The following SEPTIN8 variants were observed in gnomAD, a reference collection of about 807,000 sequenced individuals.
SEPTIN8 encodes the protein septin-8.
In SEPTIN8, 22 loss-of-function variants were observed where a neutral mutation model predicts 53.1. The observed-to-expected ratio is 0.41, with a 90% CI of 0.30 to 0.59. SEPTIN8 has a LOEUF of 0.59. Ranked by LOEUF, SEPTIN8 falls within the 20% of genes least tolerant of loss-of-function variation. The pLI is 0.24. For synonymous variants in SEPTIN8, 228 were observed against 248.4 expected (o/e 0.92, Z 0.77); for missense variants, 536 against 638.7 (o/e 0.84, Z 1.73).
upstream of SEPTIN8, chr5:132,777,914 C>G: frequency 7.1e-6 from 7 of 985,514 alleles, no homozygotes; most frequent in Non-Finnish European, 8.4e-6. The surrounding 1 kb of genome is among the most constrained non-coding windows in gnomAD (Gnocchi z 4.1). Flanking sequence ...AAAAGCGGAG[C>G]TCGACGGTCA....
rs1204279432 is a variant in SEPTIN8 at position 132,754,260 on chromosome 5, T to C, written c.1287-2079A>G. The C allele has an allele frequency of 1.6e-5, 10 of 618,678 alleles. No homozygotes were observed. The South Asian group carries it at 1.8e-4, about 11-fold the overall frequency. 38.3% of individuals were successfully genotyped at this position (618,678 alleles called of 1,614,324 possible). On this transcript the variant is annotated intron_variant, in intron 9 of 9. Coordinates refer to ENST00000378719, the MANE Select transcript of SEPTIN8 (RefSeq NM_001098811.2). ...ATCTCCTAGGTCATATCAAGAACTCTCCTCTAGTCCAGAACCCATTTTACA... is the reference window on the plus strand; with the variant it reads ...ATCTCCTAGGTCATATCAAGAACTCCCCTCTAGTCCAGAACCCATTTTACA...
At chr5:132,777,351 A>G (rs1027563938), upstream of SEPTIN8, 2 of 1,047,262 alleles carry the variant, frequency 1.9e-6, no homozygotes, top group Non-Finnish European at 1.1e-6. The surrounding 1 kb of genome is among the most constrained non-coding windows in gnomAD (Gnocchi z 4.1). Flanking sequence ...CGGCCCGGCC[A>G]CGAGCGCAGC....
chr5:132,764,813 A>G (rs974814604), intron 2 of SEPTIN8, among the ~76,000 whole-genome samples: 4 of 152,158 alleles, frequency 2.6e-5, no homozygotes, highest in Non-Finnish European at 4.4e-5. Flanking sequence ...CAAGAGGGCC[A>G]GGGTCTAAAG....
In SEPTIN8 at chr5:132,751,721, TC is replaced by T. The variant is rs1754856492; in HGVS notation, c.*294del. 1.0e-5 allele frequency: 6 copies of T among 579,058 alleles called. No homozygotes were observed. Among genetic ancestry groups the T allele is most frequent in the Non-Finnish European group, 1.8e-5 (6 of 329,144 alleles). The allele number at this position is 579,058 out of a possible 1,614,324, so 35.9% of individuals were successfully genotyped here. A position where few individuals can be genotyped will look rare whatever the true frequency, so the allele number is the denominator to read the frequency against. On this transcript the variant is annotated 3_prime_UTR_variant, in exon 10 of 10. Coordinates refer to ENST00000378719, the MANE Select transcript of SEPTIN8 (RefSeq NM_001098811.2). ...TGGAAACATTGTCATCTAGGTACTT[TC>T]CGCTCATAACGATGATGTCACAAAG...
At position 132,763,798 on chromosome 5, in the gene SEPTIN8, T is replaced by A. The variant is rs1362149139; in HGVS notation, c.442A>T (p.Thr148Ser). 1.2e-6 allele frequency: 2 copies of A among 1,613,438 alleles called. No individual in the cohort carries two copies. Among genetic ancestry groups the A allele is most frequent in the Non-Finnish European group, 1.7e-6 (2 of 1,179,718 alleles). Residue 148 changes from threonine to serine, a missense_variant, in exon 4 of 10, where the codon ACA (threonine) becomes TCA (serine). Physicochemically the swap from Thr to Ser is moderately conservative, Grantham distance 58. This residue lies in a region of SEPTIN8 where 395 missense variants were observed against 451.8 expected (regional missense o/e 0.87). Transcript: ENST00000378719. ...AAGTAGAGGCAAACGTGGATCCTTG[T>A]GTCATGGTAGTCGAAGAGCGAGCGG... The part of the protein sequence containing the change: ...IRRSLFDYHD[T>S]RIHVCLYFIT...
chr5:132,765,956 C>T (rs1756545984), intron 1 of SEPTIN8, among the ~76,000 whole-genome samples: 1 of 152,194 alleles, frequency 6.6e-6, no homozygotes, highest in Admixed American at 6.5e-5. Flanking sequence ...GGGGATGCTG[C>T]CCCTGCCTAG....
chr5:132,769,992 T>C (rs1405264446), intron 1 of SEPTIN8, among the ~76,000 whole-genome samples: 3 of 38,828 alleles, frequency 7.7e-5, no homozygotes, highest in African/African-American at 2.4e-4. Context: ...CATATATATA[T>C]ATATATATAT....
chr5:132,771,222 C>T (rs1176638370), intron 1 of SEPTIN8, among the ~76,000 whole-genome samples: 1 of 152,094 alleles, frequency 6.6e-6, no homozygotes, highest in Non-Finnish European at 1.5e-5. Context: ...TCATGGTTGC[C>T]AACACACAAA....
At chr5:132,775,150 C>T (rs192361668) in intron 1 of SEPTIN8, among the ~76,000 whole-genome samples, 18 of 152,268 alleles carry the variant, frequency 1.2e-4, no homozygotes, top group African/African-American at 4.1e-4. Context: ...TGTGCCCTGG[C>T]CACCCCGCAG....
At chr5:132,766,429 C>G (rs1030147255) in intron 1 of SEPTIN8, among the ~76,000 whole-genome samples, 6 of 152,216 alleles carry the variant, frequency 3.9e-5, no homozygotes, top group African/African-American at 1.4e-4. Context: ...AAAGAAACCA[C>G]GAGGACCCAA....
At position 132,763,666 on chromosome 5, in the gene SEPTIN8, A is replaced by G. The variant is rs1161155138; in HGVS notation, c.534+40T>C. 3.8e-6 allele frequency: 6 copies of G among 1,582,604 alleles called. No homozygotes were observed. In the Admixed American group the frequency reaches 8.4e-5, roughly 22 times the overall value. On this transcript the variant is annotated intron_variant, in intron 4 of 9. Transcript: ENST00000378719. ...AGCCACCACATCGCATCGCAGCAGA[A>G]GACTATGGAGCCTGTGACAGCAGGT...
intron 1 of SEPTIN8, among the ~76,000 whole-genome samples, chr5:132,768,103 C>A (rs1179373683): frequency 6.6e-6 from 1 of 151,958 alleles, no homozygotes; most frequent in Non-Finnish European, 1.5e-5. Context: ...TGGGGTGGGT[C>A]TCACATAAAC....
chr5:132,778,130 A>G (rs1757946178), upstream of SEPTIN8: 2 of 958,176 alleles, frequency 2.1e-6, no homozygotes, highest in Non-Finnish European at 2.5e-6. Flanking sequence ...TCTCACTGAC[A>G]ATCTATACAA....
chr5:132,756,563 G>A, intron 9 of SEPTIN8: 1 of 985,396 alleles, frequency 1.0e-6, no homozygotes, highest in South Asian at 4.7e-5. Flanking sequence ...CTAAACAGTG[G>A]CAAGTTTTAA....
rs1348851902 is a variant in SEPTIN8 at position 132,757,732 on chromosome 5, CAGG to C, written c.1286+3067_1286+3069del. 3 of 985,326 alleles carry C rather than the reference CAGG, an allele frequency of 3.0e-6. No homozygotes were observed. The African/African-American group carries it at 5.2e-5, about 17-fold the overall frequency. The allele number at this position is 985,326 out of a possible 1,614,324, so 61.0% of individuals were successfully genotyped here. A position where few individuals can be genotyped will look rare whatever the true frequency, so the allele number is the denominator to read the frequency against. The stretch of plus-strand genomic sequence containing the variant: ...ACATTCTTGGTGGCTTGTAAACCAA[CAGG>C]AGCATAGAAGAGTCAAAGCTGCTAG... On this transcript the variant is annotated intron_variant, in intron 9 of 9. Coordinates refer to ENST00000378719, the MANE Select transcript of SEPTIN8 (RefSeq NM_001098811.2).
intron 4 of SEPTIN8, among the ~76,000 whole-genome samples, 188 bp downstream of exon 4, chr5:132,763,518 G>A (rs1340159063): frequency 1.3e-5 from 2 of 152,154 alleles, no homozygotes; most frequent in Admixed American, 1.3e-4. Flanking sequence ...AATGAGCCCA[G>A]AGCATTGGGG....
At chr5:132,778,712 TA>T (rs1425082983), upstream of SEPTIN8, among the ~76,000 whole-genome samples, 1 of 152,148 alleles carries the variant, frequency 6.6e-6, no homozygotes, top group Non-Finnish European at 1.5e-5. Flanking sequence ...TGAGAACAAG[TA>T]TAGCACCTAT....
Position 132,764,429 on chromosome 5 carries a change from G to A in SEPTIN8, c.152-10C>T, listed in dbSNP as rs912018345. 6.9e-6 allele frequency: 11 copies of A among 1,605,044 alleles called. No individual in the cohort carries two copies. Among genetic ancestry groups the A allele is most frequent in the Non-Finnish European group, 8.5e-6 (10 of 1,174,458 alleles). Reference sequence around the variant, plus strand: ...CCAATGCCGGTCTCCCCTGGGCAGTGAGGACAGGAGGGGAAGAAGTGGGTG... The same window carrying A: ...CCAATGCCGGTCTCCCCTGGGCAGTAAGGACAGGAGGGGAAGAAGTGGGTG... On this transcript the variant is annotated splice_polypyrimidine_tract_variant and intron_variant, in intron 2 of 9. Coordinates refer to ENST00000378719, the MANE Select transcript of SEPTIN8 (RefSeq NM_001098811.2).
At chr5:132,753,230 A>G (rs1004392058) in intron 9 of SEPTIN8, 2 of 470,544 alleles carry the variant, frequency 4.3e-6, no homozygotes, top group Non-Finnish European at 3.9e-6. Flanking sequence ...GCCTGAAGCC[A>G]GGGAGTATGA....
Sources: allele counts gnomAD v4.1 joint callset (sites outside exome capture counted in the v4.1 genomes callset), GRCh38; gene constraint gnomAD v4.1.1; regional missense constraint gnomAD v4.1.1; non-coding constraint Gnocchi (gnomAD v3.1); transcripts MANE v1.5; gene names NCBI Gene and HGNC (gene_info 2026-07-23, HGNC 2026-07-21).